PEAK1: variants seen among roughly 807,000 people sequenced by gnomAD.
The protein encoded by PEAK1 is inactive tyrosine-protein kinase PEAK1.
A neutral mutation model predicts 124.7 loss-of-function variants in PEAK1; 54 were observed. That is an observed-to-expected ratio of 0.43 (90% CI 0.35 to 0.54). PEAK1 has a LOEUF of 0.54. Ranked by LOEUF, PEAK1 falls within the 20% of genes least tolerant of loss-of-function variation. PEAK1 has a pLI of 0.01. For missense variants in PEAK1, 2,046 were observed against 2,134.5 expected (o/e 0.96, Z 0.82); for synonymous variants, 719 against 760.0 (o/e 0.95, Z 0.89).
intron 6 of PEAK1, among the ~76,000 whole-genome samples, chr15:77,235,989 T>C (rs2060104789): frequency 6.6e-6 from 1 of 152,272 alleles, no homozygotes; most frequent in South Asian, 2.1e-4. Flanking sequence ...TGGGAACCTC[T>C]GCCTAGATTT....
At chr15:77,253,103 C>T (rs1026453546) in intron 5 of PEAK1, among the ~76,000 whole-genome samples, 4 of 152,034 alleles carry the variant, frequency 2.6e-5, no homozygotes, top group Admixed American at 2.6e-4. Context: ...TGACCCAACC[C>T]CTAATTTGTT....
intron 6 of PEAK1, among the ~76,000 whole-genome samples, chr15:77,251,445 A>C (rs2060877589): frequency 6.6e-6 from 1 of 152,210 alleles, no homozygotes; most frequent in African/African-American, 2.4e-5. Flanking sequence ...GTAGAAAGAA[A>C]GAAAGGCAAA....
At chr15:77,316,059 T>C (rs2064851625) in intron 2 of PEAK1, among the ~76,000 whole-genome samples, 1 of 152,150 alleles carries the variant, frequency 6.6e-6, no homozygotes, top group Non-Finnish European at 1.5e-5. Context: ...TCTTGTACCA[T>C]CTTCTCAATT....
chr15:77,137,615 C>T (rs1178474947), intron 8 of PEAK1, among the ~76,000 whole-genome samples: 1 of 152,188 alleles, frequency 6.6e-6, no homozygotes, highest in Non-Finnish European at 1.5e-5. Flanking sequence ...TTTGGAATGG[C>T]TGTATTTACC....
chr15:77,181,914 T>TA lies in PEAK1; in HGVS notation c.12dup (p.Asn5Ter), dbSNP rs1318842119. On this transcript the variant is annotated frameshift_variant, in exon 7 of 10. Coordinates refer to ENST00000682557, the MANE Select transcript of PEAK1 (RefSeq NM_001385026.1). LOFTEE classifies it high-confidence loss of function. ...TTCCAAACATGTTCAGTAAAGGTGTTACAAGCAGACATTTTTAAAAATAGA... is the reference window on the plus strand; with the variant it reads ...TTCCAAACATGTTCAGTAAAGGTGTTAACAAGCAGACATTTTTAAAAATAGA... 1 of 1,555,588 alleles carries TA rather than the reference T, an allele frequency of 6.4e-7. No homozygotes were observed. The highest frequency in any genetic ancestry group is 2.0e-5 in the Admixed American group (1 of 49,254).
intron 1 of PEAK1, among the ~76,000 whole-genome samples, chr15:77,415,253 CCTT>C (rs2072777258): frequency 6.6e-6 from 1 of 152,228 alleles, no homozygotes; most frequent in South Asian, 2.1e-4. Flanking sequence ...AACTAACAAT[CCTT>C]CTTCAGTTTC....
In PEAK1 at chr15:77,111,916, T is replaced by C. The variant is rs1476375356; in HGVS notation, c.*2240A>G. On this transcript the variant is annotated 3_prime_UTR_variant, in exon 10 of 10. Transcript: ENST00000682557. Reference sequence around the variant, plus strand: ...TGGGAGGTGGGGGAGGTTAAGGGAATGTGCTGGCTGACATGGTCAGTGGTC... The same window carrying C: ...TGGGAGGTGGGGGAGGTTAAGGGAACGTGCTGGCTGACATGGTCAGTGGTC... 6.6e-6 allele frequency: 1 copy of C among 152,276 alleles called. No homozygotes were observed. The highest frequency in any genetic ancestry group is 2.4e-5 in the African/African-American group (1 of 41,468). 9.4% of individuals were successfully genotyped at this position (152,276 alleles called of 1,614,324 possible).
At chr15:77,191,051 C>T (rs755821310) in intron 6 of PEAK1, among the ~76,000 whole-genome samples, 5 of 151,990 alleles carry the variant, frequency 3.3e-5, no homozygotes, top group East Asian at 1.9e-4. Flanking sequence ...TAATAATGTA[C>T]GTCAACACTG....
intron 8 of PEAK1, among the ~76,000 whole-genome samples, chr15:77,153,149 TA>T (rs1359674576): frequency 5.3e-5 from 8 of 152,214 alleles, no homozygotes; most frequent in African/African-American, 1.9e-4. Context: ...AGCTATTGAT[TA>T]TTGCCACAAT....
rs191607657 is a variant in PEAK1 at position 77,311,667 on chromosome 15, C to T, written c.-602-25163G>A. On this transcript the variant is annotated intron_variant, in intron 2 of 9. Coordinates refer to ENST00000682557, the MANE Select transcript of PEAK1 (RefSeq NM_001385026.1). Reference sequence around the variant, plus strand: ...TAGCCTGGGAAACACAGCGAGATTCCAACCCCCCCAACCCCCACAAAAAAA... The same window carrying T: ...TAGCCTGGGAAACACAGCGAGATTCTAACCCCCCCAACCCCCACAAAAAAA... Among the ~76,000 whole-genome samples, 44 of 124,120 alleles carry T rather than the reference C, an allele frequency of 3.5e-4. 1 individual carries two copies. In the East Asian group the frequency reaches 9.1e-3, roughly 26 times the overall value. The allele number at this position is 124,120 out of a possible 152,430, so 81.4% of individuals were successfully genotyped here. A position where few individuals can be genotyped will look rare whatever the true frequency, so the allele number is the denominator to read the frequency against.
chr15:77,294,003 T>C (rs1375053720), intron 2 of PEAK1, among the ~76,000 whole-genome samples: 2 of 152,214 alleles, frequency 1.3e-5, no homozygotes, highest in African/African-American at 4.8e-5. Flanking sequence ...CTGTTTGCTT[T>C]AGATATAAGC....
At chr15:77,121,341 G>A (rs2051899635) in intron 9 of PEAK1, among the ~76,000 whole-genome samples, 2 of 152,202 alleles carry the variant, frequency 1.3e-5, no homozygotes, top group Non-Finnish European at 2.9e-5. Flanking sequence ...AAAAGATTCT[G>A]AGAAAAGGCA....
chr15:77,337,246 T>C (rs2040276321), intron 2 of PEAK1: 1 of 983,096 alleles, frequency 1.0e-6, no homozygotes, highest in South Asian at 4.7e-5. Flanking sequence ...ACATGAAAGC[T>C]CCACTAGGGA....
chr15:77,329,503 C>G (rs2065775550), intron 2 of PEAK1, among the ~76,000 whole-genome samples: 1 of 152,198 alleles, frequency 6.6e-6, no homozygotes, highest in African/African-American at 2.4e-5. Flanking sequence ...CTCTGGACCA[C>G]TAGACCTCAC....
At chr15:77,152,686 T>C (rs981780796) in intron 8 of PEAK1, among the ~76,000 whole-genome samples, 30 of 152,184 alleles carry the variant, frequency 2.0e-4, no homozygotes, top group Non-Finnish European at 2.6e-4. Flanking sequence ...TTATTGAGAG[T>C]TTTTAGCATG....
At chr15:77,221,997 A>G (rs913106205) in intron 6 of PEAK1, among the ~76,000 whole-genome samples, 1 of 152,068 alleles carries the variant, frequency 6.6e-6, no homozygotes, top group African/African-American at 2.4e-5. Context: ...ACTGGGGCAT[A>G]TCTTGGCCTC....
At chr15:77,194,597 G>A (rs914494461) in intron 6 of PEAK1, among the ~76,000 whole-genome samples, 2 of 152,046 alleles carry the variant, frequency 1.3e-5, no homozygotes, top group East Asian at 1.9e-4. Context: ...CCCATCATAT[G>A]GCTTTTGCAT....
chr15:77,243,559 G>T (rs184840583), intron 6 of PEAK1, among the ~76,000 whole-genome samples: 21 of 152,306 alleles, frequency 1.4e-4, no homozygotes, highest in African/African-American at 4.8e-4. Flanking sequence ...TTCCACCAAC[G>T]CTCTTGCTAT....
chr15:77,188,414 T>A (rs140718223), intron 6 of PEAK1, among the ~76,000 whole-genome samples: 7 of 152,308 alleles, frequency 4.6e-5, no homozygotes, highest in Non-Finnish European at 1.0e-4. Context: ...TCAAACTCTT[T>A]GACGAATCAG....
Sources: allele counts gnomAD v4.1 joint callset (sites outside exome capture counted in the v4.1 genomes callset), GRCh38; gene constraint gnomAD v4.1.1; transcripts MANE v1.5; gene names NCBI Gene and HGNC (gene_info 2026-07-23, HGNC 2026-07-21).